NIPAL2: variants seen among roughly 807,000 people sequenced by gnomAD.
The protein encoded by NIPAL2 is NIPA like domain containing 2.
In NIPAL2, 43 loss-of-function variants were observed where a neutral mutation model predicts 48.9. The observed-to-expected ratio is 0.88, with a 90% CI of 0.69 to 1.13. The LOEUF is 1.13. Among genes scored for constraint, NIPAL2 ranks in the 50% most tolerant of loss-of-function variants. NIPAL2 has a pLI of 0.00. For synonymous variants in NIPAL2, 167 were observed against 174.6 expected, an observed-to-expected ratio of 0.96 and a Z score of 0.34; for missense variants, 446 against 461.4, an observed-to-expected ratio of 0.97 and a Z score of 0.31.
intron 6 of NIPAL2, among the ~76,000 whole-genome samples, chr8:98,209,755 C>T (rs1377171743): frequency 1.3e-5 from 2 of 150,108 alleles, no homozygotes; most frequent in Admixed American, 1.3e-4. Flanking sequence ...TATTTTGTTT[C>T]CCATTTTGGG....
intron 1 of NIPAL2, among the ~76,000 whole-genome samples, chr8:98,263,852 C>T (rs1162384053): frequency 2.1e-3 from 228 of 108,054 alleles, no homozygotes; most frequent in East Asian, 7.9e-3. Flanking sequence ...GACCAATATC[C>T]TTGATGAACA....
chr8:98,286,818 A>AC (rs1224189127), intron 1 of NIPAL2, among the ~76,000 whole-genome samples: 2 of 146,164 alleles, frequency 1.4e-5, no homozygotes, highest in African/African-American at 2.7e-5. Context: ...CTGTCAAAAA[A>AC]AAAAAAAAAA....
chr8:98,293,284 G>A (rs931345929), intron 1 of NIPAL2, among the ~76,000 whole-genome samples: 54 of 152,156 alleles, frequency 3.5e-4, no homozygotes, highest in African/African-American at 1.2e-3. Context: ...CAATATGAAC[G>A]CTGCTAGAGG....
chr8:98,242,110 C>G (rs1031087706), intron 3 of NIPAL2, among the ~76,000 whole-genome samples: 1 of 152,198 alleles, frequency 6.6e-6, no homozygotes, highest in African/African-American at 2.4e-5. Flanking sequence ...TAAGTTTTAG[C>G]GATCTATTGC....
At chr8:98,256,484 C>T (rs963069450) in intron 1 of NIPAL2, among the ~76,000 whole-genome samples, 2 of 152,034 alleles carry the variant, frequency 1.3e-5, no homozygotes, top group African/African-American at 4.8e-5. Flanking sequence ...AAAAAATGGG[C>T]AAAGGACTTG....
intron 1 of NIPAL2, among the ~76,000 whole-genome samples, chr8:98,287,788 T>A (rs1225385975): frequency 6.6e-6 from 1 of 152,106 alleles, no homozygotes; most frequent in Non-Finnish European, 1.5e-5. Flanking sequence ...TGGCAACACA[T>A]CCAGTAAAGA....
chr8:98,278,006 C>T (rs1403385786), intron 1 of NIPAL2, among the ~76,000 whole-genome samples: 1 of 152,164 alleles, frequency 6.6e-6, no homozygotes, highest in Non-Finnish European at 1.5e-5. Context: ...CTTTGAATTG[C>T]AAACTCTCTG....
At chr8:98,229,179 A>G (rs941563942) in intron 4 of NIPAL2, among the ~76,000 whole-genome samples, 1 of 152,236 alleles carries the variant, frequency 6.6e-6, no homozygotes, top group Non-Finnish European at 1.5e-5. Context: ...CTTATCAAAT[A>G]CAACTCAAGT....
chr8:98,247,025 A>G (rs1433095129), intron 3 of NIPAL2, among the ~76,000 whole-genome samples: 1 of 152,210 alleles, frequency 6.6e-6, no homozygotes, highest in Non-Finnish European at 1.5e-5. Flanking sequence ...ATAAACAGAA[A>G]AAGGAAAACA....
At chr8:98,193,385 C>T in intron 10 of NIPAL2, 1 of 1,614,052 alleles carries the variant, frequency 6.2e-7, no homozygotes, top group South Asian at 1.1e-5. Context: ...ATTCACTCAC[C>T]TCCAAGCCTT....
chr8:98,268,782 G>A (rs1044539370), intron 1 of NIPAL2, among the ~76,000 whole-genome samples: 1 of 152,106 alleles, frequency 6.6e-6, no homozygotes, highest in Non-Finnish European at 1.5e-5. Context: ...GCATACAAAA[G>A]TCGTGTTTAC....
rs1441322780 is a variant in NIPAL2 at position 98,191,412 on chromosome 8, T to C, written c.*1566A>G. ...CGATGGCGGGAATTATTACCAGGAGTTTAGGAGCCAGACATGGGTTCTGTA... is the reference window on the plus strand; with the variant it reads ...CGATGGCGGGAATTATTACCAGGAGCTTAGGAGCCAGACATGGGTTCTGTA... On this transcript the variant is annotated 3_prime_UTR_variant, in exon 11 of 11. Coordinates refer to ENST00000430223, the MANE Select transcript of NIPAL2 (RefSeq NM_001321635.2). 1 of 151,932 alleles carries C rather than the reference T, an allele frequency of 6.6e-6. No homozygotes were observed. The highest frequency in any genetic ancestry group is 1.5e-5 in the Non-Finnish European group (1 of 67,996). The allele number at this position is 151,932 out of a possible 1,614,324, so 9.4% of individuals were successfully genotyped here.
chr8:98,254,522 C>A (rs1053338226), intron 1 of NIPAL2, among the ~76,000 whole-genome samples: 7 of 152,012 alleles, frequency 4.6e-5, no homozygotes, highest in African/African-American at 1.7e-4. Context: ...ACTGGGTGAC[C>A]TTTTGAGCAA....
At chr8:98,237,923 A>G (rs1360774791) in intron 3 of NIPAL2, among the ~76,000 whole-genome samples, 1 of 152,218 alleles carries the variant, frequency 6.6e-6, no homozygotes. Flanking sequence ...AATCTGAGAT[A>G]TGTCTTTTTA....
intron 1 of NIPAL2, among the ~76,000 whole-genome samples, chr8:98,283,883 CCACT>C (rs1033029190): frequency 2.0e-5 from 3 of 152,262 alleles, no homozygotes; most frequent in Admixed American, 6.5e-5. Flanking sequence ...GATGATGTTG[CCACT>C]CACTCACTGA....
rs546598612 is a variant in NIPAL2, at chr8:98,190,313, TTTTGTTTG to T, written c.*2657_*2664del. ...TATAGCTCACAGACTGGCCACTTGT[TTTTGTTTG>T]TTTGTTTGTTTGTTTGTTTTTGAGA... is the stretch of plus-strand genomic sequence containing the variant. On this transcript the variant is annotated 3_prime_UTR_variant, in exon 11 of 11. Coordinates refer to ENST00000430223, the MANE Select transcript of NIPAL2 (RefSeq NM_001321635.2). 4.8e-5 allele frequency: 8 copies of T among 166,250 alleles called. No homozygotes were observed. The highest frequency in any genetic ancestry group is 1.2e-4 in the African/African-American group (5 of 41,588). The allele number at this position is 166,250 out of a possible 1,614,324, so 10.3% of individuals were successfully genotyped here. A position where few individuals can be genotyped will look rare whatever the true frequency, so the allele number is the denominator to read the frequency against.
chr8:98,191,645 TGAAGGC>T lies in NIPAL2; in HGVS notation c.*1327_*1332del, dbSNP rs1810309213. ...TTGGACAGACATGTCAGAAGTGATC[TGAAGGC>T]TTTGAAATGTCATTAAGGGTGGGAC... On this transcript the variant is annotated 3_prime_UTR_variant, in exon 11 of 11. Coordinates refer to ENST00000430223, the MANE Select transcript of NIPAL2 (RefSeq NM_001321635.2). 6.6e-6 allele frequency: 1 copy of T among 152,234 alleles called. No individual in the cohort carries two copies. The highest frequency in any genetic ancestry group is 1.5e-5 in the Non-Finnish European group (1 of 68,038). 9.4% of individuals were successfully genotyped at this position (152,234 alleles called of 1,614,324 possible). A position where few individuals can be genotyped will look rare whatever the true frequency, so the allele number is the denominator to read the frequency against.
intron 4 of NIPAL2, among the ~76,000 whole-genome samples, chr8:98,224,911 C>T (rs143281665): frequency 0.037 from 5,690 of 151,946 alleles, 166 homozygotes; most frequent in South Asian, 0.1. Flanking sequence ...CACGTGCCAC[C>T]ACGCCCAGCT....
intron 3 of NIPAL2, among the ~76,000 whole-genome samples, chr8:98,237,922 T>G (rs1812799092): frequency 6.6e-6 from 1 of 152,238 alleles, no homozygotes; most frequent in Non-Finnish European, 1.5e-5. Context: ...TAATCTGAGA[T>G]ATGTCTTTTT....
Sources: allele counts gnomAD v4.1 joint callset (sites outside exome capture counted in the v4.1 genomes callset), GRCh38; gene constraint gnomAD v4.1.1; transcripts MANE v1.5; gene names NCBI Gene and HGNC (gene_info 2026-07-23, HGNC 2026-07-21).